Variants in TRIO observed in about 807,000 individuals in gnomAD.
TRIO encodes the protein trio Rho guanine nucleotide exchange factor.
In TRIO, 58 loss-of-function variants were observed where a neutral mutation model predicts 351.9. That is an observed-to-expected ratio of 0.16 (90% CI 0.13 to 0.21). The LOEUF (loss-of-function observed/expected upper bound fraction) is 0.21. Among genes scored for constraint, TRIO ranks in the 10% least tolerant of loss-of-function variants. The pLI is 1.00. For synonymous variants in TRIO, 1,758 were observed against 1,595.7 expected, an observed-to-expected ratio of 1.10 and a Z score of -2.42; for missense variants, 3,201 against 4,027.8, an observed-to-expected ratio of 0.79 and a Z score of 5.56.
chr5:14,504,791 C>T (rs967049407), intron 55 of TRIO, 198 bp downstream of exon 55: 11 of 672,820 alleles, frequency 1.6e-5, no homozygotes, highest in East Asian at 2.8e-5. Flanking sequence ...TTCCACAGGG[C>T]GGTTGCCTGA....
chr5:14,169,952 G>GA (rs1788998624), intron 1 of TRIO, among the ~76,000 whole-genome samples: 2 of 152,184 alleles, frequency 1.3e-5, no homozygotes, highest in Admixed American at 1.3e-4. Flanking sequence ...AGGCAAAGGA[G>GA]ACAGTCTTTT....
chr5:14,223,625 C>T (rs1047297265), intron 1 of TRIO, among the ~76,000 whole-genome samples: 1 of 152,152 alleles, frequency 6.6e-6, no homozygotes, highest in African/African-American at 2.4e-5. Context: ...AGGTGGGAAG[C>T]CACATCCAGT....
intron 1 of TRIO, among the ~76,000 whole-genome samples, chr5:14,261,341 G>C (rs1459359972): frequency 6.6e-6 from 1 of 152,206 alleles, no homozygotes; most frequent in Non-Finnish European, 1.5e-5. Context: ...GTTACAGTTT[G>C]TGCTGGGAGG....
chr5:14,488,713 C>T, intron 48 of TRIO: 1 of 567,646 alleles, frequency 1.8e-6, no homozygotes, highest in Non-Finnish European at 3.1e-6. Flanking sequence ...ATTTTTGACT[C>T]ATCTGCTGGG....
Position 14,369,421 on chromosome 5 carries a change from A to C in TRIO, c.3114A>C (p.Glu1038Asp), listed in dbSNP as rs760851187. The change falls in exon 18 of 57, where the codon GAA becomes GAC. Residue 1038 changes from glutamate (E) to aspartate (D), a missense_variant. This residue lies in a region of TRIO where 363 missense variants were observed against 553.5 expected (regional missense o/e 0.66). Transcript: ENST00000344204. ...TGGAACAGGAGTACAAGAGAGAAGA[A>C]GACTGGTGTGGCGGGGCGGATAAGC... ...ESLEQEYKRE[E>D]DWCGGADKLG... is the part of the protein sequence containing the mutation. 1.2e-6 allele frequency: 2 copies of C among 1,614,066 alleles called. No individual in the cohort carries two copies. Among genetic ancestry groups the C allele is most frequent in the Admixed American group, 1.7e-5 (1 of 60,010 alleles).
chr5:14,312,961 A>T (rs1330574867), intron 8 of TRIO, among the ~76,000 whole-genome samples: 1 of 152,236 alleles, frequency 6.6e-6, no homozygotes, highest in Non-Finnish European at 1.5e-5. Flanking sequence ...CAAAAGTGAA[A>T]ACTATATATG....
At chr5:14,168,851 G>T (rs1406003292) in intron 1 of TRIO, among the ~76,000 whole-genome samples, 1 of 152,196 alleles carries the variant, frequency 6.6e-6, no homozygotes, top group Non-Finnish European at 1.5e-5. Context: ...AGATGCAAAT[G>T]TGTCTTTGGA....
chr5:14,235,389 T>TTGA (rs1191351909), intron 1 of TRIO, among the ~76,000 whole-genome samples: 4 of 152,194 alleles, frequency 2.6e-5, no homozygotes, highest in Non-Finnish European at 5.9e-5. Flanking sequence ...AGACCTGGGT[T>TTGA]TGATGATTGC....
Position 14,336,738 on chromosome 5 carries a change from A to C in TRIO, c.2046+11A>C. ...ACCCATGTGAAAGAGGTAAGGTGCC[A>C]GGAGACCAAAATATGATCTGTGCTT... On this transcript the variant is annotated intron_variant, in intron 11 of 56. Transcript: ENST00000344204. The C allele has an allele frequency of 6.2e-7, 1 of 1,613,992 alleles. No homozygotes were observed. Among genetic ancestry groups the C allele is most frequent in the Non-Finnish European group, 8.5e-7 (1 of 1,179,888 alleles).
At chr5:14,230,583 C>T (rs186997363) in intron 1 of TRIO, among the ~76,000 whole-genome samples, 2 of 152,268 alleles carry the variant, frequency 1.3e-5, no homozygotes, top group Non-Finnish European at 2.9e-5. Context: ...CAGCTGAACT[C>T]TCTCCTGTGC....
intron 1 of TRIO, among the ~76,000 whole-genome samples, chr5:14,211,137 CAATTAG>C (rs1433965976): frequency 1.1e-4 from 17 of 152,270 alleles, no homozygotes; most frequent in African/African-American, 3.9e-4. Flanking sequence ...TCTGACTTTC[CAATTAG>C]AACAGTAAGT....
intron 1 of TRIO, among the ~76,000 whole-genome samples, chr5:14,219,836 G>A (rs1208039356): frequency 1.3e-5 from 2 of 152,064 alleles, no homozygotes; most frequent in African/African-American, 4.8e-5. Flanking sequence ...GCAGCATGTG[G>A]CGTCCAGCAG....
intron 1 of TRIO, among the ~76,000 whole-genome samples, chr5:14,185,606 A>T (rs1790059299): frequency 6.6e-6 from 1 of 152,234 alleles, no homozygotes; most frequent in South Asian, 2.1e-4. Context: ...TCTCAGGCCA[A>T]ATGCCTAGGA....
chr5:14,276,582 G>A (rs1735539323), intron 2 of TRIO, among the ~76,000 whole-genome samples: 1 of 152,170 alleles, frequency 6.6e-6, no homozygotes, highest in Non-Finnish European at 1.5e-5. Context: ...GCTTTTTATT[G>A]TCAGTGTGAG....
At chr5:14,160,291 G>T (rs1193545782) in intron 1 of TRIO, among the ~76,000 whole-genome samples, 1 of 152,196 alleles carries the variant, frequency 6.6e-6, no homozygotes. Flanking sequence ...AGTGCCTCCC[G>T]CCGGGGGGTG....
chr5:14,384,415 C>A (rs114572581), intron 21 of TRIO, among the ~76,000 whole-genome samples: 7 of 152,250 alleles, frequency 4.6e-5, no homozygotes, highest in African/African-American at 1.7e-4. Context: ...TCCAGTTCCT[C>A]GATTATGCCT....
chr5:14,406,476 C>G, intron 32 of TRIO, 97 bp from the exon 33 acceptor site: 1 of 1,184,482 alleles, frequency 8.4e-7, no homozygotes, highest in Non-Finnish European at 1.3e-6. Context: ...CAGGCACTCA[C>G]GAAGGCTGAT....
At chr5:14,259,104 G>A (rs914377254) in intron 1 of TRIO, among the ~76,000 whole-genome samples, 1 of 152,182 alleles carries the variant, frequency 6.6e-6, no homozygotes, top group Non-Finnish European at 1.5e-5. Flanking sequence ...CCTCTGCCGG[G>A]TCCTGGAGGG....
At chr5:14,422,540 A>G (rs1029882568) in intron 34 of TRIO, among the ~76,000 whole-genome samples, 1 of 152,198 alleles carries the variant, frequency 6.6e-6, no homozygotes, top group East Asian at 1.9e-4. Context: ...CAATGAGTCT[A>G]ATTACTCAGA....
Sources: allele counts gnomAD v4.1 joint callset (sites outside exome capture counted in the v4.1 genomes callset), GRCh38; gene constraint gnomAD v4.1.1; regional missense constraint gnomAD v4.1.1; transcripts MANE v1.5; gene names NCBI Gene and HGNC (gene_info 2026-07-23, HGNC 2026-07-21).